The following ADAM15 variants were observed in gnomAD, a reference collection of about 807,000 sequenced individuals.
The protein encoded by ADAM15 is disintegrin and metalloproteinase domain-containing protein 15.
In ADAM15, 77 loss-of-function variants were observed where a neutral mutation model predicts 113.8. The observed-to-expected ratio is 0.68, with a 90% CI of 0.56 to 0.82. The LOEUF (loss-of-function observed/expected upper bound fraction) is 0.82. Among genes scored for constraint, ADAM15 ranks in the 40% least tolerant of loss-of-function variants. The probability of loss-of-function intolerance (pLI) is 0.00; values close to 1 mark genes in which losing one functional copy is unlikely to be tolerated. For synonymous variants in ADAM15, 388 were observed against 454.1 expected (o/e 0.85, Z 1.85); for missense variants, 963 against 1,120.1 (o/e 0.86, Z 2.00).
chr1:155,053,562 G>A, intron 3 of ADAM15, 69 bp downstream of exon 3: 1 of 1,502,558 alleles, frequency 6.7e-7, no homozygotes, highest in Non-Finnish European at 9.3e-7. Context: ...TTATGTGCCA[G>A]GTACTAAGTG....
Position 155,056,024 on chromosome 1 carries a change from C to T in ADAM15, c.744+24C>T, listed in dbSNP as rs773931424. On this transcript the variant is annotated intron_variant, in intron 8 of 22. Coordinates refer to ENST00000356955, the MANE Select transcript of ADAM15 (RefSeq NM_207197.3). This position sits in a 1 kb window ranked among gnomAD's most constrained non-coding sequence, Gnocchi z 4.0. ...CAGTGAGTGCTGGACAGGGCAACCC[C>T]CACCCCAGGCCCCTGACCATGGCAA... 1.2e-6 allele frequency: 2 copies of T among 1,613,016 alleles called. No individual in the cohort carries two copies. The highest frequency in any genetic ancestry group is 1.7e-6 in the Non-Finnish European group (2 of 1,179,988).
chr1:155,055,195 G>T (rs778664081), intron 6 of ADAM15, among the ~76,000 whole-genome samples: 23 of 150,888 alleles, frequency 1.5e-4, no homozygotes, highest in Non-Finnish European at 3.2e-4. Context: ...TAAGTGACAA[G>T]AGTTGTTATT....
chr1:155,052,346 A>C, intron 1 of ADAM15: 1 of 665,766 alleles, frequency 1.5e-6, no homozygotes, highest in Non-Finnish European at 2.4e-6. Context: ...AAGTGGGGGG[A>C]GAGTGATTGG....
chr1:155,054,495 C>T lies in ADAM15; in HGVS notation c.601C>T (p.His201Tyr). Residue 201 changes from histidine to tyrosine, a missense_variant, in exon 6 of 23, where the codon CAC (histidine) becomes TAC (tyrosine). By Grantham distance (83) the His-to-Tyr change is moderately conservative. Coordinates refer to ENST00000356955, the MANE Select transcript of ADAM15 (RefSeq NM_207197.3). ...KPPEHPLGQR[H>Y]IRRRRDVVTE... ...ACCAGAGCACCCCCTGGGACAGCGCCACATTCGCCGGGTGAGGATGAATGG... is the reference window on the plus strand; with the variant it reads ...ACCAGAGCACCCCCTGGGACAGCGCTACATTCGCCGGGTGAGGATGAATGG... The T allele has an allele frequency of 6.4e-7, 1 of 1,572,616 alleles. No homozygotes were observed. Among genetic ancestry groups the T allele is most frequent in the South Asian group, 1.2e-5 (1 of 86,382 alleles).
At chr1:155,059,216 C>A (rs548830770) in intron 16 of ADAM15, among the ~76,000 whole-genome samples, 1 of 152,102 alleles carries the variant, frequency 6.6e-6, no homozygotes, top group East Asian at 1.9e-4. Flanking sequence ...TACAGTCACC[C>A]GCCACCATGC....
rs201138788 is a variant in ADAM15, at chr1:155,061,447, T to A, written c.2310T>A (p.Pro770=). 1 of 1,613,586 alleles carries A rather than the reference T, an allele frequency of 6.2e-7. No individual in the cohort carries two copies. The highest frequency in any genetic ancestry group is 8.5e-7 in the Non-Finnish European group (1 of 1,179,832). ...GTGCTCTCAGCTTCCCGGCCCCCCC[T>A]TCCAGGCCGCTGCCGCCTGACCCTG... ...QASALSFPAP[P]SRPLPPDPVS... The change falls in exon 20 of 23, where the codon CCT becomes CCA. Residue 770 remains proline, a synonymous_variant. Transcript: ENST00000356955.
Position 155,058,035 on chromosome 1 carries a change from T to A in ADAM15, c.1601T>A (p.Leu534His), listed in dbSNP as rs770776862. The A allele has an allele frequency of 6.2e-7, 1 of 1,614,124 alleles. No homozygotes were observed. Among genetic ancestry groups the A allele is most frequent in the Non-Finnish European group, 8.5e-7 (1 of 1,180,032 alleles). The part of the protein sequence containing the change: ...CASYAQQCQS[L>H]WGPGAQPAAP... Reference sequence around the variant, plus strand: ...TCCTATGCCCAGCAGTGCCAGTCACTTTGGGGACCTGGAGCCCAGCCCGCT... The same window carrying A: ...TCCTATGCCCAGCAGTGCCAGTCACATTGGGGACCTGGAGCCCAGCCCGCT... Residue 534 changes from leucine to histidine, a missense_variant, in exon 14 of 23, where the codon CTT becomes CAT. Coordinates refer to ENST00000356955, the MANE Select transcript of ADAM15 (RefSeq NM_207197.3). This position sits in a 1 kb window ranked among gnomAD's most constrained non-coding sequence, Gnocchi z 4.3.
chr1:155,054,116 C>CT (rs1661451499), intron 4 of ADAM15, 34 bp from the exon 5 acceptor site: 1 of 1,613,742 alleles, frequency 6.2e-7, no homozygotes. Context: ...GGTGTGCTCT[C>CT]TGAGACAGCA....
At chr1:155,055,496 G>T in intron 6 of ADAM15, 1 of 403,446 alleles carries the variant, frequency 2.5e-6, no homozygotes, top group Non-Finnish European at 4.7e-6. Flanking sequence ...AAAGTGCTGA[G>T]ATTACAGGCG....
Position 155,056,569 on chromosome 1 carries a change from C to G in ADAM15, c.999+99C>G. 1 of 1,204,674 alleles carries G rather than the reference C, an allele frequency of 8.3e-7. No individual in the cohort carries two copies. The highest frequency in any genetic ancestry group is 2.4e-5 in the East Asian group (1 of 41,696). 74.6% of individuals were successfully genotyped at this position (1,204,674 alleles called of 1,614,324 possible). ...ACCCCCCTATAAAGTTGCCCAACCCCAAAGCTACAGGTATAGAGGGTGGAG... is the reference window on the plus strand; with the variant it reads ...ACCCCCCTATAAAGTTGCCCAACCCGAAAGCTACAGGTATAGAGGGTGGAG... On this transcript the variant is annotated intron_variant, in intron 10 of 22. Coordinates refer to ENST00000356955, the MANE Select transcript of ADAM15 (RefSeq NM_207197.3). The surrounding 1 kb of genome is among the most constrained non-coding windows in gnomAD (Gnocchi z 4.0).
rs763997945 is a variant in ADAM15, at chr1:155,055,944, C to A, written c.688C>A (p.Arg230=). The A allele has an allele frequency of 6.2e-6, 10 of 1,614,182 alleles. No homozygotes were observed. Among genetic ancestry groups the A allele is most frequent in the Non-Finnish European group, 7.6e-6 (9 of 1,180,046 alleles). ...TCTTGGCCTACAGGCCCAGAAATACCGGGACTTCCAGCACCTGCTAAACCG... is the reference window on the plus strand; with the variant it reads ...TCTTGGCCTACAGGCCCAGAAATACAGGGACTTCCAGCACCTGCTAAACCG... ...VADHSEAQKY[R]DFQHLLNRTL... is the part of the protein sequence containing the mutation. Residue 230 remains arginine, a synonymous_variant, in exon 8 of 23, where the codon CGG becomes AGG. Transcript: ENST00000356955.
At position 155,062,358 on chromosome 1, in the gene ADAM15, G is replaced by A; in HGVS notation, c.2538G>A (p.Val846=). ...PGPGAGIPPL[V]VPSRPAPPPP... ...CAGGGGCTGGAATCCCGCCCCTAGTGGTACCCTCCAGGTAGGAGGAGCCCT... is the reference window on the plus strand; with the variant it reads ...CAGGGGCTGGAATCCCGCCCCTAGTAGTACCCTCCAGGTAGGAGGAGCCCT... Residue 846 remains valine (V), a synonymous_variant, in exon 22 of 23, where the codon GTG becomes GTA. Coordinates refer to ENST00000356955, the MANE Select transcript of ADAM15 (RefSeq NM_207197.3). The surrounding 1 kb of genome is among the most constrained non-coding windows in gnomAD (Gnocchi z 7.0). The A allele has an allele frequency of 6.3e-7, 1 of 1,590,340 alleles. No individual in the cohort carries two copies.
In ADAM15 at chr1:155,057,503, C is replaced by G; in HGVS notation, c.1324-134C>G. On this transcript the variant is annotated intron_variant, in intron 12 of 22. Coordinates refer to ENST00000356955, the MANE Select transcript of ADAM15 (RefSeq NM_207197.3). The surrounding 1 kb of genome is among the most constrained non-coding windows in gnomAD (Gnocchi z 5.0). Reference sequence around the variant, plus strand: ...CTACTTGCCCTGTCTGTGGGGACAGCACATGGGTTGTTGGGCTCTAGCCCT... The same window carrying G: ...CTACTTGCCCTGTCTGTGGGGACAGGACATGGGTTGTTGGGCTCTAGCCCT... 6.8e-7 allele frequency: 1 copy of G among 1,480,878 alleles called. No individual in the cohort carries two copies. Among genetic ancestry groups the G allele is most frequent in the South Asian group, 1.2e-5 (1 of 82,786 alleles). 91.7% of individuals were successfully genotyped at this position (1,480,878 alleles called of 1,614,324 possible).
At chr1:155,059,571 G>T (rs767375065) in intron 16 of ADAM15, among the ~76,000 whole-genome samples, 3 of 152,280 alleles carry the variant, frequency 2.0e-5, no homozygotes, top group African/African-American at 7.2e-5. Flanking sequence ...TGGGGCTGCA[G>T]TGAGCCATAA....
Position 155,056,079 on chromosome 1 carries a change from GT to G in ADAM15, c.746del (p.Phe249SerfsTer5), listed in dbSNP as rs755535056. On this transcript the variant is annotated frameshift_variant and splice_region_variant, in exon 9 of 23. Coordinates refer to ENST00000356955, the MANE Select transcript of ADAM15 (RefSeq NM_207197.3). LOFTEE classifies it high-confidence loss of function. The surrounding 1 kb of genome is among the most constrained non-coding windows in gnomAD (Gnocchi z 4.0). ...TLEVALLLDT[F>X]FRPLNVRVAL... Reference sequence around the variant, plus strand: ...TCTTCTGAGCCCCAGCTGTCTTTCAGTTCTTCCGGCCCCTGAATGTACGAGT... The same window carrying G: ...TCTTCTGAGCCCCAGCTGTCTTTCAGTCTTCCGGCCCCTGAATGTACGAGT... 5.0e-6 allele frequency: 8 copies of G among 1,612,736 alleles called. No individual in the cohort carries two copies. The African/African-American group carries it at 1.1e-4, about 22-fold the overall frequency.
In ADAM15 at chr1:155,056,533, T is replaced by TA; in HGVS notation, c.999+64dup. 6.5e-7 allele frequency: 1 copy of TA among 1,527,098 alleles called. No homozygotes were observed. The highest frequency in any genetic ancestry group is 9.0e-7 in the Non-Finnish European group (1 of 1,107,170). 94.6% of individuals were successfully genotyped at this position (1,527,098 alleles called of 1,614,324 possible). On this transcript the variant is annotated intron_variant, in intron 10 of 22. Transcript: ENST00000356955. The surrounding 1 kb of genome is among the most constrained non-coding windows in gnomAD (Gnocchi z 4.0). Reference sequence around the variant, plus strand: ...AGTTCCTCCCAAGTGTGGTGGCATTTATGCACTGAAACCCCCCTATAAAGT... The same window carrying TA: ...AGTTCCTCCCAAGTGTGGTGGCATTTAATGCACTGAAACCCCCCTATAAAGT...
intron 17 of ADAM15, 76 bp downstream of exon 17, chr1:155,060,050 T>C: frequency 6.3e-7 from 1 of 1,589,596 alleles, no homozygotes; most frequent in Non-Finnish European, 8.6e-7. Context: ...CTCGGCCCTC[T>C]CTTTCTGACC....
rs1662791898 is a variant in ADAM15, at chr1:155,062,462, C to T, written c.2552C>T (p.Pro851Leu). 6.2e-7 allele frequency: 1 copy of T among 1,613,216 alleles called. No individual in the cohort carries two copies. Among genetic ancestry groups the T allele is most frequent in the South Asian group, 1.1e-5 (1 of 91,064 alleles). The change falls in exon 23 of 23, where the codon CCA becomes CTA. Residue 851 changes from proline (P) to leucine (L), a missense_variant and splice_region_variant. Coordinates refer to ENST00000356955, the MANE Select transcript of ADAM15 (RefSeq NM_207197.3). The surrounding 1 kb of genome is among the most constrained non-coding windows in gnomAD (Gnocchi z 7.0). The stretch of plus-strand genomic sequence containing the variant: ...TTTCTTGGCTTCCCGCAATCCAGAC[C>T]AGCGCCACCGCCTCCGACAGTGTCC... ...GIPPLVVPSR[P>L]APPPPTVSSL...
Position 155,062,202 on chromosome 1 carries a change from A to T in ADAM15, c.2425-43A>T. 6.9e-7 allele frequency: 1 copy of T among 1,444,500 alleles called. No individual in the cohort carries two copies. The highest frequency in any genetic ancestry group is 9.1e-7 in the Non-Finnish European group (1 of 1,095,652). 89.5% of individuals were successfully genotyped at this position (1,444,500 alleles called of 1,614,324 possible). A position where few individuals can be genotyped will look rare whatever the true frequency, so the allele number is the denominator to read the frequency against. ...CAGTGCGTTGGGGGTGGGCAACATG[A>T]CACCCCCCCACCTAAGCCGGCCTCC... On this transcript the variant is annotated intron_variant, in intron 21 of 22. Coordinates refer to ENST00000356955, the MANE Select transcript of ADAM15 (RefSeq NM_207197.3). The surrounding 1 kb of genome is among the most constrained non-coding windows in gnomAD (Gnocchi z 7.0).
Sources: gnomAD v4.1 joint callset for allele counts (sites outside exome capture counted in the v4.1 genomes callset) on GRCh38, gnomAD v4.1.1 for gene constraint, Gnocchi (gnomAD v3.1) non-coding constraint, MANE v1.5 for transcripts, NCBI Gene and HGNC (gene_info 2026-07-23, HGNC 2026-07-21) for gene names.